Variants in SLC14A2 observed in about 807,000 individuals in gnomAD.
SLC14A2 encodes the protein solute carrier family 14 member 2.
SLC14A2 carries 91 observed loss-of-function variants against 104.6 expected under a neutral mutation model. The observed-to-expected ratio is 0.87, with a 90% CI of 0.73 to 1.04. SLC14A2 has a LOEUF of 1.04. Among genes scored for constraint, SLC14A2 ranks in the 50% least tolerant of loss-of-function variants. The pLI, the probability that SLC14A2 is intolerant of heterozygous loss-of-function variation, is 0.00. For missense variants in SLC14A2, 1,189 were observed against 1,156.0 expected (o/e 1.03, Z -0.41); for synonymous variants, 476 against 466.4 (o/e 1.02, Z -0.27).
At chr18:45,280,758 T>C (rs1422169519) in intron 1 of SLC14A2, among the ~76,000 whole-genome samples, 1 of 152,168 alleles carries the variant, frequency 6.6e-6, no homozygotes, top group Non-Finnish European at 1.5e-5. Flanking sequence ...TGAGAAGTGA[T>C]GTTTATCCCC....
rs1448168293 is a variant in SLC14A2 at position 45,683,337 on chromosome 18, C to A, written c.*818C>A. 6.6e-6 allele frequency: 1 copy of A among 152,164 alleles called. No homozygotes were observed. Among genetic ancestry groups the A allele is most frequent in the Non-Finnish European group, 1.5e-5 (1 of 68,042 alleles). The allele number at this position is 152,164 out of a possible 1,614,324, so 9.4% of individuals were successfully genotyped here. A position where few individuals can be genotyped will look rare whatever the true frequency, so the allele number is the denominator to read the frequency against. The stretch of plus-strand genomic sequence containing the variant: ...TCATGACAGGGAAGGATTTGAAAGT[C>A]CTTTCCACCTCAGAAGTGTTGATTA... On this transcript the variant is annotated 3_prime_UTR_variant, in exon 20 of 20. Coordinates refer to ENST00000255226, the MANE Select transcript of SLC14A2 (RefSeq NM_007163.4).
chr18:45,391,237 C>T lies in SLC14A2; in HGVS notation c.-124-91996C>T, dbSNP rs557925794. On this transcript the variant is annotated intron_variant, in intron 1 of 20. Coordinates refer to the SLC14A2 transcript ENST00000586448. ...GATGGTTTCCAGCTTCATCCATGTC[C>T]CTACAAAGTACATGAACTCATCATT... Among the ~76,000 whole-genome samples, 14 of 152,278 alleles carry T rather than the reference C, an allele frequency of 9.2e-5. No individual in the cohort carries two copies. In the South Asian group the frequency reaches 2.9e-3, roughly 32 times the overall value.
the SLC14A2 span, among the ~76,000 whole-genome samples, chr18:45,198,559 C>T: frequency 6.6e-6 from 1 of 152,084 alleles, no homozygotes; most frequent in Non-Finnish European, 1.5e-5. Context: ...ATTTTGTGTT[C>T]TCTATATACT....
chr18:45,220,382 AAGTC>A (rs1370571317), intron 1 of SLC14A2, among the ~76,000 whole-genome samples: 1 of 152,182 alleles, frequency 6.6e-6, no homozygotes, highest in Non-Finnish European at 1.5e-5. Context: ...CACAGACTAA[AAGTC>A]AGTTTTGTCA....
intron 1 of SLC14A2, among the ~76,000 whole-genome samples, chr18:45,392,630 A>C (rs2085983196): frequency 6.6e-6 from 1 of 152,260 alleles, no homozygotes; most frequent in Non-Finnish European, 1.5e-5. Context: ...TATACACTTT[A>C]TATCTGAACA....
At chr18:45,617,460 A>G (rs2045090940) in intron 1 of SLC14A2, among the ~76,000 whole-genome samples, 3 of 151,774 alleles carry the variant, frequency 2.0e-5, no homozygotes, top group African/African-American at 7.3e-5. Context: ...GGCCCCAGTG[A>G]GTCAGTCTCC....
At chr18:45,236,335 A>ATATGTGTATATATACATGTATGTGTG (rs2084246111) in intron 1 of SLC14A2, among the ~76,000 whole-genome samples, 1 of 21,332 alleles carries the variant, frequency 4.7e-5, no homozygotes. Context: ...GTATGTGTGT[A>ATATGTGTATATATACATGTATGTGTG]TATATGTGTA....
the SLC14A2 span, among the ~76,000 whole-genome samples, chr18:45,179,280 G>A: frequency 1.3e-5 from 2 of 152,134 alleles, no homozygotes; most frequent in Non-Finnish European, 2.9e-5. Context: ...GGTCGGAGAG[G>A]CCATTGCAGA....
intron 11 of SLC14A2, among the ~76,000 whole-genome samples, chr18:45,664,886 A>G (rs532463711): frequency 6.6e-6 from 1 of 152,266 alleles, no homozygotes; most frequent in African/African-American, 2.4e-5. Context: ...GTTTGCCTCA[A>G]AGGCTTAATA....
chr18:45,682,185 T>C (rs1297082699), intron 19 of SLC14A2, 134 bp from the exon 20 acceptor site: 1 of 758,802 alleles, frequency 1.3e-6, no homozygotes, highest in South Asian at 1.6e-5. Context: ...TTTATTTATA[T>C]TGGTCATCAA....
rs1480346765 is a variant in SLC14A2, at chr18:45,668,172, T to C, written c.1907+150T>C. ...CCCTGGTTATTTTGTCATAGCAACATATTTCTAGAGAAATATGAAGGATTC... is the reference window on the plus strand; with the variant it reads ...CCCTGGTTATTTTGTCATAGCAACACATTTCTAGAGAAATATGAAGGATTC... On this transcript the variant is annotated intron_variant, in intron 14 of 19. Coordinates refer to ENST00000255226, the MANE Select transcript of SLC14A2 (RefSeq NM_007163.4). The C allele has an allele frequency of 4.4e-6, 5 of 1,135,858 alleles. No homozygotes were observed. The Admixed American group carries it at 7.6e-5, about 17-fold the overall frequency. The allele number at this position is 1,135,858 out of a possible 1,614,324, so 70.4% of individuals were successfully genotyped here.
intron 2 of SLC14A2, among the ~76,000 whole-genome samples, chr18:45,576,272 CTTTT>C (rs776335445): frequency 0.023 from 2,097 of 90,636 alleles, 67 homozygotes; most frequent in African/African-American, 0.083. Flanking sequence ...GGAGCAGGGG[CTTTT>C]TTTTTTTTTT....
chr18:45,302,973 C>T (rs1364307045), intron 1 of SLC14A2, among the ~76,000 whole-genome samples: 1 of 151,888 alleles, frequency 6.6e-6, no homozygotes, highest in African/African-American at 2.4e-5. Flanking sequence ...ATGACAAAGC[C>T]AGGGTCTTAG....
At chr18:45,278,206 A>G (rs1223891540) in intron 1 of SLC14A2, among the ~76,000 whole-genome samples, 1 of 152,170 alleles carries the variant, frequency 6.6e-6, no homozygotes, top group East Asian at 1.9e-4. Context: ...GTTTTCTGAT[A>G]TTTATTCAGT....
chr18:45,405,280 A>G (rs2086141351), intron 1 of SLC14A2, among the ~76,000 whole-genome samples: 1 of 152,218 alleles, frequency 6.6e-6, no homozygotes, highest in Non-Finnish European at 1.5e-5. Flanking sequence ...GGAAAAGAAC[A>G]GAGCAAGTTG....
intron 2 of SLC14A2, among the ~76,000 whole-genome samples, chr18:45,536,603 C>A (rs948300052): frequency 6.6e-5 from 10 of 152,154 alleles, no homozygotes; most frequent in African/African-American, 2.4e-4. Flanking sequence ...CCAGTATGAT[C>A]TCATCTTAAT....
At chr18:45,259,311 T>C (rs530565891) in intron 1 of SLC14A2, among the ~76,000 whole-genome samples, 7 of 152,252 alleles carry the variant, frequency 4.6e-5, no homozygotes, top group African/African-American at 1.7e-4. Context: ...AGAAATAATA[T>C]GTTGGAGAGA....
intron 8 of SLC14A2, among the ~76,000 whole-genome samples, chr18:45,642,041 G>A (rs1033905486): frequency 1.3e-5 from 2 of 152,128 alleles, no homozygotes; most frequent in Admixed American, 1.3e-4. Flanking sequence ...AGGCTCAGAG[G>A]GGCTAATTAA....
chr18:45,514,312 A>G (rs533635678), intron 2 of SLC14A2, among the ~76,000 whole-genome samples: 150 of 152,344 alleles, frequency 9.8e-4, no homozygotes, highest in Admixed American at 1.8e-3. Flanking sequence ...GATAGCATGC[A>G]AAGGGGAAGA....
Sources: gnomAD v4.1 joint callset for allele counts (sites outside exome capture counted in the v4.1 genomes callset) on GRCh38, gnomAD v4.1.1 for gene constraint, MANE v1.5 for transcripts, NCBI Gene and HGNC (gene_info 2026-07-23, HGNC 2026-07-21) for gene names.